Variants in ZNF345 observed in about 807,000 individuals in gnomAD.
ZNF345 encodes the protein zinc finger protein HZF10.
For synonymous variants in ZNF345, 166 were observed against 187.9 expected (o/e 0.88, Z 0.95); for missense variants, 527 against 589.9 (o/e 0.89, Z 1.10).
chr19:36,875,486 G>A (rs1247449076), intron 2 of ZNF345, among the ~76,000 whole-genome samples: 2 of 152,104 alleles, frequency 1.3e-5, no homozygotes, highest in South Asian at 4.1e-4. Flanking sequence ...TTATTGTTGG[G>A]TGGGGGGTGC....
intron 2 of ZNF345, among the ~76,000 whole-genome samples, chr19:36,854,137 G>A (rs971464971): frequency 6.6e-6 from 1 of 151,898 alleles, no homozygotes; most frequent in Non-Finnish European, 1.5e-5. Context: ...TAGGAATCAC[G>A]TAATTCGTTG....
At chr19:36,866,168 A>G (rs551067031) in intron 2 of ZNF345, among the ~76,000 whole-genome samples, 1 of 152,274 alleles carries the variant, frequency 6.6e-6, no homozygotes, top group Non-Finnish European at 1.5e-5. Context: ...CTGTTAGACT[A>G]CTTTCATCAG....
At chr19:36,882,470 T>A (rs1166460896), downstream of ZNF345, among the ~76,000 whole-genome samples, 63 of 152,186 alleles carry the variant, frequency 4.1e-4, no homozygotes, top group Admixed American at 4.1e-3. Flanking sequence ...GGTTTTACCA[T>A]GTTGGCCAGG....
chr19:36,882,489 G>A (rs1365429809), downstream of ZNF345, among the ~76,000 whole-genome samples: 5 of 152,054 alleles, frequency 3.3e-5, no homozygotes, highest in Non-Finnish European at 1.5e-5. Flanking sequence ...GGATGGTCTC[G>A]ATCTCTTGAC....
At chr19:36,853,838 T>TA in intron 2 of ZNF345, among the ~76,000 whole-genome samples, 1 of 152,342 alleles carries the variant, frequency 6.6e-6, no homozygotes, top group East Asian at 1.9e-4. Context: ...CAAGTACACT[T>TA]ACCTTCTTTT....
chr19:36,861,953 C>G (rs531347478), intron 2 of ZNF345, among the ~76,000 whole-genome samples: 1 of 151,786 alleles, frequency 6.6e-6, no homozygotes, highest in East Asian at 1.9e-4. Flanking sequence ...CCTCTGCCTC[C>G]CTGTTCCAGT....
intron 2 of ZNF345, among the ~76,000 whole-genome samples, chr19:36,864,916 C>T (rs62115569): frequency 0.022 from 3,327 of 152,250 alleles, 60 homozygotes; most frequent in Non-Finnish European, 0.035. Context: ...TGCTGGAAAT[C>T]TGTGCTCTAG....
At chr19:36,892,401 G>A in intron 3 of ZNF345, 3 of 1,611,778 alleles carry the variant, frequency 1.9e-6, no homozygotes, top group Non-Finnish European at 2.5e-6. Context: ...TGTCTTCACG[G>A]GTAATTATTA....
chr19:36,892,323 C>T, intron 3 of ZNF345: 4 of 1,613,674 alleles, frequency 2.5e-6, no homozygotes, highest in Non-Finnish European at 3.4e-6. Context: ...TCTTACATTC[C>T]CATGGTTTCT....
Position 36,877,271 on chromosome 19 carries a change from G to A in ZNF345, c.441G>A (p.Glu147=), listed in dbSNP as rs752610079. Residue 147 remains glutamate, a synonymous_variant, in exon 3 of 3, where the codon GAG becomes GAA. Coordinates refer to ENST00000420450, the MANE Select transcript of ZNF345 (RefSeq NM_001242472.2). ...TTCATACTGGTGAGAAACCCTATGA[G>A]TGTAAGGAATGTGGGAAAGCCTTTA... ...QRIHTGEKPY[E]CKECGKAFSF... is the part of the protein sequence containing the mutation. The A allele has an allele frequency of 1.8e-5, 29 of 1,612,926 alleles. 1 individual carries two copies. In the South Asian group the frequency reaches 3.0e-4, roughly 16 times the overall value.
At chr19:36,869,764 C>CTG (rs2072735931) in intron 2 of ZNF345, among the ~76,000 whole-genome samples, 1 of 139,646 alleles carries the variant, frequency 7.2e-6, no homozygotes, top group African/African-American at 2.6e-5. Flanking sequence ...GATCATTTAG[C>CTG]TTTTTTTTTT....
At chr19:36,854,763 A>AT (rs1487801367) in intron 2 of ZNF345, among the ~76,000 whole-genome samples, 2 of 151,798 alleles carry the variant, frequency 1.3e-5, no homozygotes, top group African/African-American at 4.8e-5. Context: ...ATTGTCTAAT[A>AT]TTTTTTATGT....
At chr19:36,892,252 C>T in intron 3 of ZNF345, 1 of 1,614,002 alleles carries the variant, frequency 6.2e-7, no homozygotes, top group Non-Finnish European at 8.5e-7. Context: ...GTGTTTTTCA[C>T]CAAAATGAAT....
chr19:36,878,136 T>C lies in ZNF345; in HGVS notation c.1306T>C (p.Tyr436His). The C allele has an allele frequency of 6.2e-7, 1 of 1,613,802 alleles. No individual in the cohort carries two copies. Among genetic ancestry groups the C allele is most frequent in the Non-Finnish European group, 8.5e-7 (1 of 1,179,912 alleles). Residue 436 changes from tyrosine to histidine, a missense_variant, in exon 3 of 3, where the codon TAT becomes CAT. By Grantham distance (83) the Tyr-to-His change is moderately conservative. Transcript: ENST00000420450. ...ATGTAAGGAGTGTGGGAAGGCTTTT[T>C]ATAGTGGCTCAAGCCTTACTCAGCA... ...YECKECGKAF[Y>H]SGSSLTQHQR...
intron 2 of ZNF345, among the ~76,000 whole-genome samples, chr19:36,871,705 T>C (rs2072774165): frequency 6.6e-6 from 1 of 152,156 alleles, no homozygotes; most frequent in Non-Finnish European, 1.5e-5. Flanking sequence ...ATTTGGTCAT[T>C]GGATCTCTTT....
chr19:36,877,231 C>T lies in ZNF345; in HGVS notation c.401C>T (p.Thr134Ile), dbSNP rs149031424. 3.4e-3 allele frequency: 5,470 copies of T among 1,613,694 alleles called. 12 individuals carry two copies. Among genetic ancestry groups the T allele is most frequent in the Non-Finnish European group, 4.2e-3 (4,911 of 1,179,890 alleles). Residue 134 changes from threonine (T) to isoleucine (I), a missense_variant, in exon 3 of 3, where the codon ACT becomes ATT. Coordinates refer to ENST00000420450, the MANE Select transcript of ZNF345 (RefSeq NM_001242472.2). ...GCCTTTGGTAGTGGCTCAAACCTTA[C>T]TCACCATCAGAGAATTCATACTGGT... ...GKAFGSGSNLTHHQRIHTGEK... is the reference protein window; with the variant it reads ...GKAFGSGSNLIHHQRIHTGEK...
intron 2 of ZNF345, among the ~76,000 whole-genome samples, chr19:36,864,155 G>A (rs769244549): frequency 2.0e-5 from 3 of 152,114 alleles, no homozygotes; most frequent in Non-Finnish European, 4.4e-5. Flanking sequence ...ATTAACCATC[G>A]TGGAACTAGA....
intron 2 of ZNF345, among the ~76,000 whole-genome samples, chr19:36,876,103 A>T (rs75024795): frequency 0.017 from 2,591 of 152,268 alleles, 79 homozygotes; most frequent in African/African-American, 0.059. Flanking sequence ...ACTGAGCTCC[A>T]TCTTCTCTCA....
chr19:36,878,224 G>C lies in ZNF345; in HGVS notation c.1394G>C (p.Arg465Thr), dbSNP rs1416974949. Residue 465 changes from arginine (R) to threonine (T), a missense_variant, in exon 3 of 3, where the codon AGG (arginine) becomes ACG (threonine). Transcript: ENST00000420450. ...ECKNCGKAYG[R>T]DSEFQQHKKS... is the part of the protein sequence containing the mutation. ...AAGAACTGTGGGAAGGCTTATGGGA[G>C]GGATTCAGAGTTTCAGCAACATAAG... 1 of 1,610,512 alleles carries C rather than the reference G, an allele frequency of 6.2e-7. No individual in the cohort carries two copies. Among genetic ancestry groups the C allele is most frequent in the Non-Finnish European group, 8.5e-7 (1 of 1,179,024 alleles).
Sources: gnomAD v4.1 joint callset for allele counts (sites outside exome capture counted in the v4.1 genomes callset) on GRCh38, gnomAD v4.1.1 for gene constraint, MANE v1.5 for transcripts, NCBI Gene and HGNC (gene_info 2026-07-23, HGNC 2026-07-21) for gene names.